The following CCT6B variants were observed in gnomAD, a reference collection of about 807,000 sequenced individuals.
The protein encoded by CCT6B is chaperonin containing TCP1 subunit 6B.
CCT6B carries 49 observed loss-of-function variants against 61.5 expected under a neutral mutation model. The ratio of observed to expected loss-of-function variants is 0.80; its 90% CI spans 0.63 to 1.01. The LOEUF (loss-of-function observed/expected upper bound fraction) is 1.01. Ranked by LOEUF, CCT6B falls within the 50% of genes least tolerant of loss-of-function variation. The pLI is 0.00. For missense variants in CCT6B, 666 were observed against 634.7 expected, an observed-to-expected ratio of 1.05 and a Z score of -0.53; for synonymous variants, 228 against 214.5, an observed-to-expected ratio of 1.06 and a Z score of -0.55.
At chr17:34,929,519 G>A (rs1003804130) in intron 12 of CCT6B, among the ~76,000 whole-genome samples, 1 of 67,822 alleles carries the variant, frequency 1.5e-5, no homozygotes, top group African/African-American at 5.0e-5. Context: ...GGTGTTTTTT[G>A]TTTTTGTTTT....
chr17:34,932,893 T>C (rs1386793216), intron 10 of CCT6B, among the ~76,000 whole-genome samples: 2 of 152,158 alleles, frequency 1.3e-5, no homozygotes, highest in Non-Finnish European at 2.9e-5. Context: ...GTGATCCTCC[T>C]ACCTCAGCCT....
chr17:34,939,733 AC>A lies in CCT6B; in HGVS notation c.969-21del. 7.0e-7 allele frequency: 1 copy of A among 1,434,556 alleles called. No individual in the cohort carries two copies. The highest frequency in any genetic ancestry group is 9.8e-7 in the Non-Finnish European group (1 of 1,016,598). 88.9% of individuals were successfully genotyped at this position (1,434,556 alleles called of 1,614,324 possible). On this transcript the variant is annotated intron_variant, in intron 8 of 13. Transcript: ENST00000314144. ...GAGAGTCTGAAATTACATATATGTC[AC>A]CATAGCTTGATTATGGAGAACATTA...
chr17:34,947,254 T>C (rs1007109362), intron 5 of CCT6B, among the ~76,000 whole-genome samples: 1 of 152,034 alleles, frequency 6.6e-6, no homozygotes, highest in African/African-American at 2.4e-5. Context: ...TTTAAACAGA[T>C]AATGGATGGA....
chr17:34,933,590 TTATATG>T (rs1418416220), intron 10 of CCT6B, among the ~76,000 whole-genome samples: 2 of 152,154 alleles, frequency 1.3e-5, no homozygotes, highest in Non-Finnish European at 2.9e-5. Flanking sequence ...AAAAGAATAT[TTATATG>T]TATGATATAA....
intron 13 of CCT6B, among the ~76,000 whole-genome samples, chr17:34,928,492 C>T (rs1198931508): frequency 2.6e-5 from 4 of 152,210 alleles, no homozygotes; most frequent in Non-Finnish European, 4.4e-5. Flanking sequence ...AGGCTGGTCT[C>T]GAACTCCTGA....
Position 34,958,569 on chromosome 17 carries a change from G to A in CCT6B, c.327C>T (p.Tyr109=), listed in dbSNP as rs374962943. The change falls in exon 3 of 14, where the codon TAC becomes TAT. Residue 109 remains tyrosine, a synonymous_variant. Coordinates refer to ENST00000314144, the MANE Select transcript of CCT6B (RefSeq NM_006584.4). ...IGELLKQADL[Y]ISEGLHPRII... ...TGTGAAATTCTAATACCTCAGAAAT[G>A]TACAGGTCAGCTTGTTTTAATAACT... is the stretch of plus-strand genomic sequence containing the variant. 6.4e-7 allele frequency: 1 copy of A among 1,552,724 alleles called. No homozygotes were observed. Among genetic ancestry groups the A allele is most frequent in the Non-Finnish European group, 8.7e-7 (1 of 1,148,234 alleles).
rs767285836 is a variant in CCT6B at position 34,959,626 on chromosome 17, G to T, written c.162C>A (p.Ile54=). The T allele has an allele frequency of 6.2e-7, 1 of 1,612,722 alleles. No homozygotes were observed. The highest frequency in any genetic ancestry group is 8.5e-7 in the Non-Finnish European group (1 of 1,178,776). ...MKMLVSGAGD[I]KLTKDGNVLL... The stretch of plus-strand genomic sequence containing the variant: ...GCACATTGCCATCTTTGGTGAGTTT[G>T]ATGTCACCTGCACCAGAAACAAGCC... Residue 54 remains isoleucine (I), a synonymous_variant, in exon 2 of 14, where the codon ATC becomes ATA. Transcript: ENST00000314144.
chr17:34,952,106 C>T (rs55856327), intron 4 of CCT6B, 53 bp from the exon 5 acceptor site: 91,091 of 1,104,950 alleles, frequency 0.082, 4,312 homozygotes, highest in Non-Finnish European at 0.087. Flanking sequence ...CTAAAATAAA[C>T]CAAGGGCCCA....
intron 3 of CCT6B, 23 bp downstream of exon 3, chr17:34,958,537 T>C (rs780999243): frequency 2.8e-6 from 4 of 1,448,282 alleles, no homozygotes; most frequent in Non-Finnish European, 1.8e-6. Flanking sequence ...CAAAATAACA[T>C]ATAAACTGTG....
intron 11 of CCT6B, among the ~76,000 whole-genome samples, chr17:34,931,654 T>C (rs1198594206): frequency 1.3e-5 from 2 of 152,170 alleles, no homozygotes; most frequent in Non-Finnish European, 2.9e-5. Context: ...ATACTGACTT[T>C]GCTGCTCTGG....
Position 34,928,116 on chromosome 17 carries a change from T to C in CCT6B, c.1525A>G (p.Thr509Ala), listed in dbSNP as rs375856955. ...CVKKQLLHSC[T>A]VIATNILLVD... ...AGGAGAATGTTGGTGGCAATCACTGTGCTAAGGAAAAAGATGAGAGGGTGA... is the reference window on the plus strand; with the variant it reads ...AGGAGAATGTTGGTGGCAATCACTGCGCTAAGGAAAAAGATGAGAGGGTGA... The change falls in exon 14 of 14, where the codon ACA becomes GCA. Residue 509 changes from threonine (T) to alanine (A), a missense_variant and splice_region_variant. Coordinates refer to ENST00000314144, the MANE Select transcript of CCT6B (RefSeq NM_006584.4). 3.1e-6 allele frequency: 5 copies of C among 1,609,494 alleles called. No homozygotes were observed. Among genetic ancestry groups the C allele is most frequent in the Non-Finnish European group, 3.4e-6 (4 of 1,177,418 alleles).
rs2090376495 is a variant in CCT6B at position 34,958,707 on chromosome 17, A to C, written c.202-13T>G. On this transcript the variant is annotated splice_polypyrimidine_tract_variant and intron_variant, in intron 2 of 13. Transcript: ENST00000314144. ...GATGTTGAATTTGCTGGAAAAAGCA[A>C]GCAACAGATTTAAAAAGACAGGATG... is the stretch of plus-strand genomic sequence containing the variant. 1.9e-6 allele frequency: 3 copies of C among 1,587,718 alleles called. No individual in the cohort carries two copies. The highest frequency in any genetic ancestry group is 2.6e-6 in the Non-Finnish European group (3 of 1,167,748).
At chr17:34,940,208 G>A (rs1302392879) in intron 8 of CCT6B, among the ~76,000 whole-genome samples, 2 of 151,674 alleles carry the variant, frequency 1.3e-5, no homozygotes, top group African/African-American at 2.4e-5. Flanking sequence ...CCTGGTAACC[G>A]CCATTCTACT....
chr17:34,928,524 C>T (rs957833521), intron 13 of CCT6B, among the ~76,000 whole-genome samples: 12 of 152,150 alleles, frequency 7.9e-5, no homozygotes, highest in East Asian at 1.9e-4. Flanking sequence ...TCACCCGCCT[C>T]GGCCTCCCAA....
intron 3 of CCT6B, 46 bp from the exon 4 acceptor site, chr17:34,954,645 A>G (rs758085709): frequency 1.3e-6 from 2 of 1,484,444 alleles, no homozygotes; most frequent in East Asian, 2.4e-5. Flanking sequence ...AAGTCACCCA[A>G]TGTAAAAGTA....
At chr17:34,953,824 C>T (rs558618788) in intron 4 of CCT6B, among the ~76,000 whole-genome samples, 37 of 152,032 alleles carry the variant, frequency 2.4e-4, no homozygotes, top group Non-Finnish European at 2.6e-4. Context: ...CGTGGTGGCA[C>T]GCGCCTGTAA....
At chr17:34,944,239 C>T (rs1004342028) in intron 5 of CCT6B, 15 of 152,156 alleles carry the variant, frequency 9.9e-5, no homozygotes, top group African/African-American at 3.6e-4. Flanking sequence ...TGTCCCATTA[C>T]TACCTCTACC....
At chr17:34,931,118 T>A (rs557436680) in intron 11 of CCT6B, 67 bp from the exon 12 acceptor site, 1 of 474,916 alleles carries the variant, frequency 2.1e-6, no homozygotes, top group Non-Finnish European at 3.3e-6. Context: ...ATATCAAATA[T>A]AAAAATACTC....
At chr17:34,940,353 G>A (rs2090148424) in intron 8 of CCT6B, among the ~76,000 whole-genome samples, 186 bp downstream of exon 8, 1 of 152,084 alleles carries the variant, frequency 6.6e-6, no homozygotes, top group African/African-American at 2.4e-5. Flanking sequence ...ACAAAGTTCT[G>A]CAGTAGGTTA....
Sources: gnomAD v4.1 joint callset for allele counts (sites outside exome capture counted in the v4.1 genomes callset) on GRCh38, gnomAD v4.1.1 for gene constraint, MANE v1.5 for transcripts, NCBI Gene and HGNC (gene_info 2026-07-23, HGNC 2026-07-21) for gene names.